Variants in ANKRD44 observed in about 807,000 individuals in gnomAD.
ANKRD44 encodes serine/threonine-protein phosphatase 6 regulatory ankyrin repeat subunit B.
ANKRD44 carries 35 observed loss-of-function variants against 116.0 expected under a neutral mutation model. The observed-to-expected ratio is 0.30, with a 90% CI of 0.23 to 0.40. The LOEUF is 0.40. ANKRD44 is among the 10% of genes least tolerant of loss of function. ANKRD44 has a pLI of 1.00. For synonymous variants in ANKRD44, 435 were observed against 461.8 expected, an observed-to-expected ratio of 0.94 and a Z score of 0.74; for missense variants, 1,014 against 1,242.6, an observed-to-expected ratio of 0.82 and a Z score of 2.77.
intron 16 of ANKRD44, among the ~76,000 whole-genome samples, chr2:197,045,446 G>C (rs969539179): frequency 1.3e-5 from 2 of 150,552 alleles, no homozygotes; most frequent in African/African-American, 4.9e-5. Flanking sequence ...ATTTCCACCT[G>C]TGTTATTCAT....
At chr2:197,272,396 C>A (rs897900011) in intron 1 of ANKRD44, among the ~76,000 whole-genome samples, 1 of 152,102 alleles carries the variant, frequency 6.6e-6, no homozygotes, top group Non-Finnish European at 1.5e-5. Context: ...TGCCACCACG[C>A]CCAGCTAATT....
chr2:197,224,463 T>C (rs1034823965), intron 1 of ANKRD44, among the ~76,000 whole-genome samples: 2 of 152,224 alleles, frequency 1.3e-5, no homozygotes, highest in African/African-American at 2.4e-5. Flanking sequence ...GAGATGGTCT[T>C]AAGAGATGCT....
chr2:197,059,568 T>G (rs1203688843), intron 16 of ANKRD44, among the ~76,000 whole-genome samples: 5 of 152,150 alleles, frequency 3.3e-5, no homozygotes. Context: ...CAGCACAGAT[T>G]CAAGTAAGTA....
chr2:197,000,315 C>T, intron 23 of ANKRD44, 104 bp downstream of exon 23: 1 of 860,632 alleles, frequency 1.2e-6, no homozygotes, highest in Non-Finnish European at 1.9e-6. Context: ...CCATGCTTAT[C>T]CATTATTCTT....
chr2:197,213,454 C>T (rs1174591743), intron 1 of ANKRD44, among the ~76,000 whole-genome samples: 1 of 152,116 alleles, frequency 6.6e-6, no homozygotes, highest in African/African-American at 2.4e-5. Context: ...TTCAAGATCT[C>T]TATGAAACAT....
Position 197,201,271 on chromosome 2 carries a change from A to G in ANKRD44, c.28-14165T>C, listed in dbSNP as rs1026578532. ...GCACGTGTGAAGACATAATCTTGACAGTCATATTACAGAAAATAAGGGAGT... is the reference window on the plus strand; with the variant it reads ...GCACGTGTGAAGACATAATCTTGACGGTCATATTACAGAAAATAAGGGAGT... On this transcript the variant is annotated intron_variant, in intron 1 of 27. Coordinates refer to ENST00000282272, the MANE Select transcript of ANKRD44 (RefSeq NM_001195144.2). The surrounding 1 kb of genome is among the most constrained non-coding windows in gnomAD (Gnocchi z 4.0). Among the ~76,000 whole-genome samples, 3 of 152,254 alleles carry G rather than the reference A, an allele frequency of 2.0e-5. No individual in the cohort carries two copies. The highest frequency in any genetic ancestry group is 7.2e-5 in the African/African-American group (3 of 41,470).
intron 13 of ANKRD44, among the ~76,000 whole-genome samples, chr2:197,083,956 CTA>C (rs762947476): frequency 9.2e-5 from 14 of 152,108 alleles, no homozygotes; most frequent in Non-Finnish European, 1.6e-4. Context: ...TAGTTCAGGT[CTA>C]TGTTATTGCT....
chr2:197,257,563 C>T (rs796683908), intron 1 of ANKRD44, among the ~76,000 whole-genome samples: 89 of 152,058 alleles, frequency 5.9e-4, no homozygotes, highest in African/African-American at 2.0e-3. Context: ...ATAAAATTTA[C>T]CATTTTATAA....
chr2:197,188,974 G>A (rs1385828685), intron 1 of ANKRD44, among the ~76,000 whole-genome samples: 2 of 152,188 alleles, frequency 1.3e-5, no homozygotes, highest in Non-Finnish European at 2.9e-5. Context: ...GGCAAGCACT[G>A]GCCTCAGGTG....
intron 1 of ANKRD44, among the ~76,000 whole-genome samples, chr2:197,284,768 C>A (rs2083362544): frequency 6.6e-6 from 1 of 151,796 alleles, no homozygotes; most frequent in Admixed American, 6.6e-5. Flanking sequence ...CACCTGTAAT[C>A]CTAGCTACTG....
At chr2:197,085,662 T>C (rs535946974) in intron 13 of ANKRD44, among the ~76,000 whole-genome samples, 62 of 151,992 alleles carry the variant, frequency 4.1e-4, no homozygotes, top group African/African-American at 1.5e-3. Context: ...TTACCCTATA[T>C]GGTCTAAAAA....
intron 3 of ANKRD44, among the ~76,000 whole-genome samples, chr2:197,143,987 C>T (rs1241829854): frequency 6.6e-6 from 1 of 152,152 alleles, no homozygotes; most frequent in African/African-American, 2.4e-5. Context: ...TATATCTCAA[C>T]CCCAGTATCT....
intron 2 of ANKRD44, among the ~76,000 whole-genome samples, chr2:197,183,286 G>A (rs1267661337): frequency 2.0e-5 from 3 of 152,108 alleles, no homozygotes; most frequent in Non-Finnish European, 4.4e-5. Flanking sequence ...ACCTAGGACA[G>A]AAAAGCATAA....
intron 16 of ANKRD44, among the ~76,000 whole-genome samples, chr2:197,028,322 A>C (rs909193449): frequency 3.9e-5 from 6 of 152,094 alleles, no homozygotes; most frequent in Non-Finnish European, 8.8e-5. Context: ...TCCTGGGCTC[A>C]AGTGATCCTC....
intron 10 of ANKRD44, 133 bp downstream of exon 10, chr2:197,099,683 A>C (rs745689187): frequency 9.8e-5 from 129 of 1,320,216 alleles, no homozygotes; most frequent in Non-Finnish European, 1.2e-4. Flanking sequence ...TTTAAAATTT[A>C]ATTTGTATTT....
intron 1 of ANKRD44, among the ~76,000 whole-genome samples, chr2:197,248,572 G>A (rs4994406): frequency 0.021 from 2,324 of 109,648 alleles, 18 homozygotes; most frequent in Non-Finnish European, 0.027. Flanking sequence ...GTGTGTGTGT[G>A]TGTGTGTATA....
At position 196,993,678 on chromosome 2, in the gene ANKRD44, A is replaced by G. The variant is rs368126652; in HGVS notation, c.2832-4T>C. 6.4e-7 allele frequency: 1 copy of G among 1,550,554 alleles called. No homozygotes were observed. On this transcript the variant is annotated splice_region_variant and splice_polypyrimidine_tract_variant and intron_variant, in intron 26 of 27. Coordinates refer to ENST00000282272, the MANE Select transcript of ANKRD44 (RefSeq NM_001195144.2). ...GCGCGCAGCGACGTGGAGGGGTCTA[A>G]AAAACACAAGACCGAGCATCAGTTG...
At chr2:197,038,291 T>C (rs146404167) in intron 16 of ANKRD44, among the ~76,000 whole-genome samples, 168 of 151,280 alleles carry the variant, frequency 1.1e-3, no homozygotes, top group Non-Finnish European at 1.8e-3. Context: ...CTGAGCCTTC[T>C]TCTATCCAAT....
Position 197,268,798 on chromosome 2 carries a change from A to G in ANKRD44, c.27+41780T>C, listed in dbSNP as rs1436950886. Among the ~76,000 whole-genome samples, 7 of 152,216 alleles carry G rather than the reference A, an allele frequency of 4.6e-5. No homozygotes were observed. In the South Asian group the frequency reaches 8.3e-4, roughly 18 times the overall value. ...ATATGCCCTGCCTTCACTCCGCAGA[A>G]CTGGGAATCCATCAGACTGGAGGCT... On this transcript the variant is annotated intron_variant, in intron 1 of 27. Coordinates refer to ENST00000282272, the MANE Select transcript of ANKRD44 (RefSeq NM_001195144.2).
Sources: gnomAD v4.1 joint callset for allele counts (sites outside exome capture counted in the v4.1 genomes callset) on GRCh38, gnomAD v4.1.1 for gene constraint, Gnocchi (gnomAD v3.1) non-coding constraint, MANE v1.5 for transcripts, NCBI Gene and HGNC (gene_info 2026-07-23, HGNC 2026-07-21) for gene names.